The following ZNF600 variants were observed in gnomAD, a reference collection of about 807,000 sequenced individuals.
The protein encoded by ZNF600 is zinc finger protein 600, also known as zinc finger protein KR-ZNF1.
A neutral mutation model predicts 7.3 loss-of-function variants in ZNF600; 4 were observed. That is an observed-to-expected ratio of 0.55 (90% CI 0.27 to 1.25). The LOEUF (loss-of-function observed/expected upper bound fraction) is 1.25, where lower values mean the gene tolerates loss of function less well. Among genes scored for constraint, ZNF600 ranks in the 50% most tolerant of loss-of-function variants. The pLI, the probability that ZNF600 is intolerant of heterozygous loss-of-function variation, is 0.12. For synonymous variants in ZNF600, 290 were observed against 308.9 expected (o/e 0.94, Z 0.64); for missense variants, 911 against 922.1 (o/e 0.99, Z 0.16).
the ZNF600 span, among the ~76,000 whole-genome samples, chr19:52,815,538 T>A: frequency 6.9e-6 from 1 of 144,406 alleles, no homozygotes; most frequent in African/African-American, 2.7e-5. Flanking sequence ...ATAAAAAAAA[T>A]AACTGTCTGG....
intron 1 of ZNF600, among the ~76,000 whole-genome samples, chr19:52,785,503 C>T (rs2062756342): frequency 6.6e-6 from 1 of 152,048 alleles, no homozygotes; most frequent in South Asian, 2.1e-4. Context: ...CCCGCCTCAG[C>T]CTCCCAAAAT....
the ZNF600 span, among the ~76,000 whole-genome samples, chr19:52,794,159 TGA>T: frequency 6.6e-6 from 1 of 151,924 alleles, no homozygotes; most frequent in African/African-American, 2.4e-5. Context: ...AGCCCTGAGA[TGA>T]GATAAGGAAA....
chr19:52,832,555 A>G, the ZNF600 span, among the ~76,000 whole-genome samples: 1 of 152,024 alleles, frequency 6.6e-6, no homozygotes, highest in African/African-American at 2.4e-5. Context: ...AGATCCCATC[A>G]CTGCACTCCA....
upstream of ZNF600, among the ~76,000 whole-genome samples, chr19:52,789,525 GA>G (rs1245936230): frequency 6.6e-6 from 1 of 152,150 alleles, no homozygotes; most frequent in African/African-American, 2.4e-5. Context: ...CACAGGTGTG[GA>G]GGGGCAACCC....
chr19:52,815,712 C>T, the ZNF600 span, among the ~76,000 whole-genome samples: 1 of 145,756 alleles, frequency 6.9e-6, no homozygotes, highest in South Asian at 2.3e-4. Flanking sequence ...GTGGTCCCAG[C>T]TACTCGGGAG....
chr19:52,809,902 A>G, the ZNF600 span: 4 of 823,884 alleles, frequency 4.9e-6, no homozygotes, highest in East Asian at 2.7e-5. Flanking sequence ...GGGCGGCGCC[A>G]TCTTGTGCCC....
the ZNF600 span, among the ~76,000 whole-genome samples, chr19:52,823,549 C>T: frequency 1.3e-5 from 2 of 152,294 alleles, no homozygotes; most frequent in African/African-American, 4.8e-5. Context: ...CTGCACACCA[C>T]TGGACTCAGG....
chr19:52,780,202 C>T (rs1256045079), intron 1 of ZNF600, among the ~76,000 whole-genome samples: 3 of 152,120 alleles, frequency 2.0e-5, no homozygotes, highest in African/African-American at 7.2e-5. Flanking sequence ...TAAAATTAAA[C>T]TCTGCGCCGA....
chr19:52,765,146 TG>T (rs1053179479), exon 4 of ZNF600: 1 of 414,664 alleles, frequency 2.4e-6, no homozygotes, highest in Non-Finnish European at 4.8e-6. Context: ...TAATGCTTGA[TG>T]GTTTGCTATA....
At chr19:52,821,900 C>T in the ZNF600 span, among the ~76,000 whole-genome samples, 3 of 146,016 alleles carry the variant, frequency 2.1e-5, no homozygotes, top group African/African-American at 7.6e-5. Context: ...CAGACTCCGT[C>T]TCTAAAAAAA....
chr19:52,822,142 G>T, the ZNF600 span, among the ~76,000 whole-genome samples: 1 of 123,864 alleles, frequency 8.1e-6, no homozygotes, highest in Admixed American at 1.1e-4. Context: ...GCGAGATCTT[G>T]ACTCACTGCA....
At chr19:52,802,575 G>A in the ZNF600 span, among the ~76,000 whole-genome samples, 1 of 151,944 alleles carries the variant, frequency 6.6e-6, no homozygotes. Flanking sequence ...TACTTGGGAG[G>A]CTGAGTCAGG....
intron 1 of ZNF600, among the ~76,000 whole-genome samples, chr19:52,786,153 G>T (rs1971048817): frequency 6.6e-6 from 1 of 152,054 alleles, no homozygotes; most frequent in Admixed American, 6.5e-5. Flanking sequence ...TTTCCAGGGG[G>T]TGGAGCTGGA....
the ZNF600 span, among the ~76,000 whole-genome samples, chr19:52,814,687 C>A: frequency 1.4e-5 from 2 of 145,876 alleles, no homozygotes; most frequent in Non-Finnish European, 3.0e-5. Context: ...GAAATGAAAA[C>A]CATCCTGGCT....
At chr19:52,824,398 G>A in the ZNF600 span, among the ~76,000 whole-genome samples, 3 of 152,138 alleles carry the variant, frequency 2.0e-5, no homozygotes, top group South Asian at 6.2e-4. Context: ...ACTTTGGGTG[G>A]CCGAGGTGGG....
intron 3 of ZNF600, among the ~76,000 whole-genome samples, chr19:52,768,110 T>A (rs1181241282): frequency 6.6e-6 from 1 of 150,728 alleles, no homozygotes; most frequent in Admixed American, 6.6e-5. Context: ...AAGAGAAAAA[T>A]ATATATTTTT....
chr19:52,783,685 T>C (rs981763931), intron 1 of ZNF600, among the ~76,000 whole-genome samples: 2 of 152,128 alleles, frequency 1.3e-5, no homozygotes, highest in South Asian at 2.1e-4. Context: ...TATACATAGC[T>C]CTTTCTCACC....
chr19:52,767,425 A>G (rs1600374198), exon 4 of ZNF600: 3 of 1,614,196 alleles, frequency 1.9e-6, no homozygotes, highest in Non-Finnish European at 2.5e-6. Flanking sequence ...GACTTCTCAA[A>G]TTGATTACCA....
rs2062677824 is a variant in ZNF600, at chr19:52,776,631, C to T, written c.64-1930G>A. Reference sequence around the variant, plus strand: ...TTCACCATCTTAGCCAGGCTGGTCTCGAACTCCTGACATCGTGATCTACCT... The same window carrying T: ...TTCACCATCTTAGCCAGGCTGGTCTTGAACTCCTGACATCGTGATCTACCT... On this transcript the variant is annotated intron_variant, in intron 2 of 3. Coordinates refer to ENST00000648973, the Ensembl canonical transcript of ZNF600. Among the ~76,000 whole-genome samples, 6 of 152,012 alleles carry T rather than the reference C, an allele frequency of 3.9e-5. No homozygotes were observed. The South Asian group carries it at 8.3e-4, about 21-fold the overall frequency.
Sources: gnomAD v4.1 joint callset for allele counts (sites outside exome capture counted in the v4.1 genomes callset) on GRCh38, gnomAD v4.1.1 for gene constraint, MANE v1.5 for transcripts, NCBI Gene and HGNC (gene_info 2026-07-23, HGNC 2026-07-21) for gene names.